The following ASTN2 variants were observed in gnomAD, a reference collection of about 807,000 sequenced individuals.
ASTN2 encodes astrotactin-2.
ASTN2 carries 54 observed loss-of-function variants against 139.8 expected under a neutral mutation model. The observed-to-expected ratio is 0.39, with a 90% CI of 0.31 to 0.48. The LOEUF is 0.48. Ranked by LOEUF, ASTN2 falls within the 20% of genes least tolerant of loss-of-function variation. The probability of loss-of-function intolerance (pLI) is 0.95; values close to 1 mark genes in which losing one functional copy is unlikely to be tolerated. For synonymous variants in ASTN2, 756 were observed against 719.5 expected, an observed-to-expected ratio of 1.05 and a Z score of -0.81; for missense variants, 1,565 against 1,725.1, an observed-to-expected ratio of 0.91 and a Z score of 1.64.
intron 20 of ASTN2, among the ~76,000 whole-genome samples, chr9:116,463,683 C>T (rs1435997502): frequency 6.6e-6 from 1 of 152,130 alleles, no homozygotes; most frequent in African/African-American, 2.4e-5. Context: ...AAGACAGCTC[C>T]CTCTCCTGTG....
intron 5 of ASTN2, among the ~76,000 whole-genome samples, chr9:117,059,682 TAACC>T (rs1024732987): frequency 6.6e-6 from 1 of 152,100 alleles, no homozygotes; most frequent in African/African-American, 2.4e-5. Context: ...AAACACAGAC[TAACC>T]TAGTAAGATA....
intron 19 of ASTN2, among the ~76,000 whole-genome samples, chr9:116,533,346 C>T (rs979544545): frequency 1.2e-4 from 19 of 152,224 alleles, no homozygotes; most frequent in African/African-American, 4.6e-4. Flanking sequence ...ATTGAATACC[C>T]TTTATTTCTT....
At chr9:117,181,587 C>CA (rs1293763520) in intron 3 of ASTN2, among the ~76,000 whole-genome samples, 2 of 151,998 alleles carry the variant, frequency 1.3e-5, no homozygotes, top group East Asian at 1.9e-4. Context: ...AGCACAGTGG[C>CA]AAAAAACACA....
intron 10 of ASTN2, among the ~76,000 whole-genome samples, chr9:116,883,801 A>G (rs1406974386): frequency 6.6e-6 from 1 of 152,222 alleles, no homozygotes. Context: ...AGACAGAGCA[A>G]TGGCATAAAT....
At chr9:116,607,867 A>G (rs1239309983) in intron 19 of ASTN2, among the ~76,000 whole-genome samples, 1 of 152,182 alleles carries the variant, frequency 6.6e-6, no homozygotes, top group East Asian at 1.9e-4. Flanking sequence ...AGGCTGAGGC[A>G]GGAGAATCGC....
chr9:116,696,132 C>T lies in ASTN2; in HGVS notation c.2806+29639G>A, dbSNP rs544675318. Reference sequence around the variant, plus strand: ...TATCATCTTCCTGCTTCAAAACATTCATCACCTCACCATGCCCTTGAAAAT... The same window carrying T: ...TATCATCTTCCTGCTTCAAAACATTTATCACCTCACCATGCCCTTGAAAAT... On this transcript the variant is annotated intron_variant, in intron 16 of 22. Coordinates refer to ENST00000313400, the MANE Select transcript of ASTN2 (RefSeq NM_001365068.1). 1.1e-4 allele frequency among the ~76,000 whole-genome samples: 16 copies of T among 152,292 alleles called. No homozygotes were observed. The South Asian group carries it at 2.9e-3, about 28-fold the overall frequency.
chr9:117,114,168 T>A (rs1173633971), intron 4 of ASTN2, among the ~76,000 whole-genome samples: 1 of 58,524 alleles, frequency 1.7e-5, no homozygotes, highest in Non-Finnish European at 3.5e-5. Flanking sequence ...ACATTAGTCT[T>A]TTTTTTTTTT....
chr9:117,059,057 T>G (rs2132681266), intron 5 of ASTN2, among the ~76,000 whole-genome samples: 1 of 152,268 alleles, frequency 6.6e-6, no homozygotes, highest in East Asian at 1.9e-4. Context: ...CCGGTCTATC[T>G]GCTAAGGGAG....
intron 1 of ASTN2, among the ~76,000 whole-genome samples, chr9:117,361,235 C>G (rs1829684596): frequency 1.3e-5 from 2 of 152,204 alleles, no homozygotes; most frequent in Non-Finnish European, 2.9e-5. Flanking sequence ...CATCCAAGAC[C>G]TCCAGCAGAT....
chr9:117,285,350 C>T (rs964335496), intron 2 of ASTN2, among the ~76,000 whole-genome samples: 3 of 147,134 alleles, frequency 2.0e-5, no homozygotes, highest in African/African-American at 5.1e-5. Context: ...ATTTAATAGG[C>T]AGGTAAACCA....
chr9:116,760,140 A>T (rs1313029454), intron 13 of ASTN2, among the ~76,000 whole-genome samples: 1 of 152,238 alleles, frequency 6.6e-6, no homozygotes, highest in Non-Finnish European at 1.5e-5. Context: ...CCATGGACAC[A>T]GATCTTTCAT....
chr9:116,919,640 A>ATTTTTTTTTTTTTTTTTTTTTTTT (rs72054196), intron 10 of ASTN2, among the ~76,000 whole-genome samples: 1 of 113,568 alleles, frequency 8.8e-6, no homozygotes, highest in African/African-American at 3.5e-5. Flanking sequence ...CAAAAACATC[A>ATTTTTTTTTTTTTTTTTTTTTTTT]TTTTTTTTTT....
chr9:116,959,442 C>T, intron 10 of ASTN2, among the ~76,000 whole-genome samples: 1 of 152,082 alleles, frequency 6.6e-6, no homozygotes, highest in East Asian at 1.9e-4. Flanking sequence ...ATCCTCATAG[C>T]AACAGCAAGC....
chr9:116,507,530 T>C (rs377700783), intron 19 of ASTN2, among the ~76,000 whole-genome samples: 1 of 152,190 alleles, frequency 6.6e-6, no homozygotes, highest in African/African-American at 2.4e-5. Flanking sequence ...TTGAAGGGCA[T>C]GAGTTCCTAG....
intron 10 of ASTN2, among the ~76,000 whole-genome samples, chr9:116,866,126 G>A (rs1833007963): frequency 6.6e-6 from 1 of 152,140 alleles, no homozygotes; most frequent in Non-Finnish European, 1.5e-5. Context: ...CAGTCTCCCA[G>A]AGAGACTATA....
chr9:117,149,996 T>C (rs891371220), intron 3 of ASTN2, among the ~76,000 whole-genome samples: 8 of 152,222 alleles, frequency 5.3e-5, no homozygotes, highest in African/African-American at 1.9e-4. Flanking sequence ...AACTTGGGAA[T>C]AGCCTTTTCT....
chr9:117,175,927 A>C (rs541853526), intron 3 of ASTN2, among the ~76,000 whole-genome samples: 2 of 152,088 alleles, frequency 1.3e-5, no homozygotes, highest in Non-Finnish European at 2.9e-5. Flanking sequence ...AAACTAAAAC[A>C]TAAGTCATAG....
intron 11 of ASTN2, among the ~76,000 whole-genome samples, chr9:116,827,828 C>A (rs1449200406): frequency 1.3e-5 from 2 of 152,218 alleles, no homozygotes; most frequent in Non-Finnish European, 2.9e-5. Flanking sequence ...AAACTAACAC[C>A]AATTTTCCTG....
At chr9:117,175,274 G>A (rs1403865997) in intron 3 of ASTN2, among the ~76,000 whole-genome samples, 1 of 152,064 alleles carries the variant, frequency 6.6e-6, no homozygotes, top group Non-Finnish European at 1.5e-5. Flanking sequence ...TAGATAAAAT[G>A]TTTAGATGTT....
Sources: allele counts gnomAD v4.1 joint callset (sites outside exome capture counted in the v4.1 genomes callset), GRCh38; gene constraint gnomAD v4.1.1; transcripts MANE v1.5; gene names NCBI Gene and HGNC (gene_info 2026-07-23, HGNC 2026-07-21).